Variants in NLGN4Y observed in about 807,000 individuals in gnomAD.
NLGN4Y encodes neuroligin 4 Y-linked.
NLGN4Y carries 4 observed loss-of-function variants against 8.4 expected under a neutral mutation model. That is an observed-to-expected ratio of 0.48 (90% CI 0.23 to 1.09). The LOEUF is 1.09. Ranked by LOEUF, NLGN4Y falls within the 50% of genes least tolerant of loss-of-function variation. The pLI, the probability that NLGN4Y is intolerant of heterozygous loss-of-function variation, is 0.19. For missense variants in NLGN4Y, 90 were observed against 192.3 expected (o/e 0.47, Z 3.15); for synonymous variants, 35 against 75.6 (o/e 0.46, Z 2.78).
chrY:14,845,221 A>G lies in NLGN4Y; in HGVS notation c.*3959A>G. Reference sequence around the variant, plus strand: ...TACATTATATATACTGTATATGCACACATGCATATATGCATATATATGTTA... The same window carrying G: ...TACATTATATATACTGTATATGCACGCATGCATATATGCATATATATGTTA... On this transcript the variant is annotated 3_prime_UTR_variant, in exon 7 of 7. Transcript: ENST00000684976. The G allele has an allele frequency of 5.9e-5, 2 of 34,156 alleles. No individual in the cohort carries two copies. Among genetic ancestry groups the G allele is most frequent in the African/African-American group, 2.3e-4 (2 of 8,810 alleles). 8.5% of individuals were successfully genotyped at this position (34,156 alleles called of 400,897 possible). A position where few individuals can be genotyped will look rare whatever the true frequency, so the allele number is the denominator to read the frequency against.
chrY:14,633,985 C>T (rs1055576588), intron 2 of NLGN4Y, among the ~76,000 whole-genome samples: 13 of 33,516 alleles, frequency 3.9e-4, no homozygotes, highest in Non-Finnish European at 8.8e-4. Context: ...TTAAGCATCT[C>T]TTTCCTTGGT....
chrY:14,765,705 A>C, intron 4 of NLGN4Y, among the ~76,000 whole-genome samples: 1 of 33,654 alleles, frequency 3.0e-5, no homozygotes, highest in East Asian at 7.7e-4. Context: ...TCTTCAAGAT[A>C]CATCAGGGGT....
At chrY:14,585,832 G>C (rs2080338536) in intron 1 of NLGN4Y, among the ~76,000 whole-genome samples, 1 of 33,466 alleles carries the variant, frequency 3.0e-5, no homozygotes. Context: ...CTTTGCACTT[G>C]TCTTTCCTGA....
At chrY:14,634,229 G>A (rs2080557757) in intron 2 of NLGN4Y, among the ~76,000 whole-genome samples, 1 of 33,806 alleles carries the variant, frequency 3.0e-5, no homozygotes, top group East Asian at 7.8e-4. Context: ...GCAACAATGA[G>A]ACAGTGTAGT....
chrY:14,558,669 A>T, intron 1 of NLGN4Y, among the ~76,000 whole-genome samples: 2 of 33,002 alleles, frequency 6.1e-5, no homozygotes, highest in Non-Finnish European at 1.5e-4. Context: ...ACACATACAC[A>T]ATCAGTGACT....
At chrY:14,585,860 CT>C (rs2080338689) in intron 1 of NLGN4Y, among the ~76,000 whole-genome samples, 1 of 32,790 alleles carries the variant, frequency 3.0e-5, no homozygotes, top group African/African-American at 1.2e-4. Flanking sequence ...TTAAAAGAAG[CT>C]TTTTTTTATG....
At chrY:14,600,078 A>G (rs2080421198) in intron 1 of NLGN4Y, among the ~76,000 whole-genome samples, 1 of 31,979 alleles carries the variant, frequency 3.1e-5, no homozygotes, top group Admixed American at 3.0e-4. Context: ...CTATTTGTCA[A>G]TTTCTCTCTC....
At chrY:14,531,719 T>A (rs944385161) in intron 1 of NLGN4Y, among the ~76,000 whole-genome samples, 1 of 30,593 alleles carries the variant, frequency 3.3e-5, no homozygotes, top group Non-Finnish European at 7.7e-5. Flanking sequence ...GTAATAAATA[T>A]AATTTATATA....
At chrY:14,549,926 G>A (rs986410136) in intron 1 of NLGN4Y, among the ~76,000 whole-genome samples, 1 of 33,531 alleles carries the variant, frequency 3.0e-5, no homozygotes, top group Non-Finnish European at 7.4e-5. Flanking sequence ...GACTTCCCTG[G>A]GACCTTCACC....
chrY:14,527,920 C>T (rs2080099245), intron 1 of NLGN4Y, among the ~76,000 whole-genome samples: 1 of 33,328 alleles, frequency 3.0e-5, no homozygotes, highest in Non-Finnish European at 7.4e-5. Context: ...CAGAGTGGCA[C>T]ACATGAATGA....
rs1419799432 is a variant in NLGN4Y at position 14,524,533 on chromosome Y, T to C, written c.-287T>C. Reference sequence around the variant, plus strand: ...AAGCGAAGATCAGCCAAGAGCACAGTCGGAGGCGGCAGAGACGGTGGCGGG... The same window carrying C: ...AAGCGAAGATCAGCCAAGAGCACAGCCGGAGGCGGCAGAGACGGTGGCGGG... On this transcript the variant is annotated 5_prime_UTR_variant, in exon 1 of 7. Transcript: ENST00000684976. The C allele has an allele frequency of 1.7e-5, 2 of 120,730 alleles. No individual in the cohort carries two copies. Among genetic ancestry groups the C allele is most frequent in the East Asian group, 2.6e-4 (1 of 3,853 alleles). 30.1% of individuals were successfully genotyped at this position (120,730 alleles called of 400,897 possible). A position where few individuals can be genotyped will look rare whatever the true frequency, so the allele number is the denominator to read the frequency against.
chrY:14,599,684 C>G (rs757479348), intron 1 of NLGN4Y, among the ~76,000 whole-genome samples: 46 of 33,051 alleles, frequency 1.4e-3, no homozygotes, highest in Non-Finnish European at 1.8e-3. Context: ...TAAAACTGCA[C>G]AAATTCTCTG....
intron 1 of NLGN4Y, among the ~76,000 whole-genome samples, chrY:14,596,832 C>T: frequency 9.1e-5 from 3 of 33,026 alleles, no homozygotes; most frequent in East Asian, 8.1e-4. Flanking sequence ...CACTGCTTGG[C>T]GATAGGTGAT....
At chrY:14,597,426 G>A in intron 1 of NLGN4Y, among the ~76,000 whole-genome samples, 1 of 32,995 alleles carries the variant, frequency 3.0e-5, no homozygotes, top group African/African-American at 1.2e-4. Flanking sequence ...TGGTAGAGCC[G>A]AGTGGCCTGT....
Position 14,842,269 on chromosome Y carries a change from T to C in NLGN4Y, c.*1007T>C. 1 of 120,477 alleles carries C rather than the reference T, an allele frequency of 8.3e-6. No individual in the cohort carries two copies. Among genetic ancestry groups the C allele is most frequent in the African/African-American group, 9.4e-5 (1 of 10,585 alleles). 30.1% of individuals were successfully genotyped at this position (120,477 alleles called of 400,897 possible). A position where few individuals can be genotyped will look rare whatever the true frequency, so the allele number is the denominator to read the frequency against. On this transcript the variant is annotated 3_prime_UTR_variant, in exon 7 of 7. Transcript: ENST00000684976. ...GATAGGTCCTAAAAGTGGAATGTAT[T>C]TAAAACTTGTTGAATTAGACACACA...
At chrY:14,685,546 A>G (rs2080786829) in intron 2 of NLGN4Y, among the ~76,000 whole-genome samples, 1 of 33,035 alleles carries the variant, frequency 3.0e-5, no homozygotes, top group African/African-American at 1.2e-4. Flanking sequence ...CTCCTGTCTC[A>G]TGATTGCATT....
intron 4 of NLGN4Y, among the ~76,000 whole-genome samples, chrY:14,763,737 A>C: frequency 1.2e-4 from 4 of 33,390 alleles, no homozygotes; most frequent in Non-Finnish European, 2.2e-4. Context: ...TCAGTTTTAC[A>C]TTGCCCTTGG....
chrY:14,705,307 C>T, intron 2 of NLGN4Y, among the ~76,000 whole-genome samples: 1 of 33,111 alleles, frequency 3.0e-5, no homozygotes, highest in African/African-American at 1.2e-4. Flanking sequence ...TGAAAGACAT[C>T]CCAGTTGTGC....
intron 2 of NLGN4Y, among the ~76,000 whole-genome samples, chrY:14,702,220 G>C (rs1220596644): frequency 3.1e-5 from 1 of 32,325 alleles, no homozygotes; most frequent in East Asian, 8.4e-4. Flanking sequence ...GTGCAGGTTA[G>C]TTACATATGT....
Sources: gnomAD v4.1 joint callset for allele counts (sites outside exome capture counted in the v4.1 genomes callset) on GRCh38, gnomAD v4.1.1 for gene constraint, MANE v1.5 for transcripts, NCBI Gene and HGNC (gene_info 2026-07-23, HGNC 2026-07-21) for gene names.